Variants in NBAS observed in about 807,000 individuals in gnomAD.
NBAS encodes NBAS subunit of NRZ tethering complex, also known as NAG/BC035112 fusion.
In NBAS, 219 loss-of-function variants were observed where a neutral mutation model predicts 302.5. The ratio of observed to expected loss-of-function variants is 0.72; its 90% CI spans 0.65 to 0.81. The LOEUF (loss-of-function observed/expected upper bound fraction) is 0.81, where lower values mean the gene tolerates loss of function less well. Among genes scored for constraint, NBAS ranks in the 30% least tolerant of loss-of-function variants. NBAS has a pLI of 0.00. For synonymous variants in NBAS, 1,118 were observed against 1,021.6 expected (o/e 1.09, Z -1.80); for missense variants, 2,932 against 2,841.6 (o/e 1.03, Z -0.72).
chr2:14,926,878 A>G, the NBAS span, among the ~76,000 whole-genome samples: 6 of 152,192 alleles, frequency 3.9e-5, no homozygotes, highest in African/African-American at 1.2e-4. Flanking sequence ...GTATGTGTCA[A>G]CTTGGCTGGG....
chr2:15,084,310 G>T, the NBAS span, among the ~76,000 whole-genome samples: 1 of 152,196 alleles, frequency 6.6e-6, no homozygotes, highest in East Asian at 1.9e-4. Flanking sequence ...TGATCAACCT[G>T]ACTCAGCCTC....
At chr2:14,918,198 C>A in the NBAS span, among the ~76,000 whole-genome samples, 4 of 151,146 alleles carry the variant, frequency 2.6e-5, no homozygotes, top group Non-Finnish European at 5.9e-5. Flanking sequence ...ATTTCTTGTG[C>A]TTTATTTATT....
chr2:15,353,515 GT>G (rs1558263444), intron 34 of NBAS, 37 bp downstream of exon 34: 2 of 1,611,960 alleles, frequency 1.2e-6, no homozygotes, highest in South Asian at 2.2e-5. Context: ...CAACATGGAC[GT>G]CATACAGGTT....
chr2:14,910,781 C>T, the NBAS span, among the ~76,000 whole-genome samples: 3 of 152,182 alleles, frequency 2.0e-5, no homozygotes, highest in East Asian at 1.9e-4. Context: ...TATGGCTCTA[C>T]AGCCAATTTA....
the NBAS span, among the ~76,000 whole-genome samples, chr2:15,138,717 T>C: frequency 1.3e-5 from 2 of 152,072 alleles, no homozygotes; most frequent in African/African-American, 4.8e-5. Context: ...ATAACCAATA[T>C]TCAAGAGATG....
chr2:14,998,914 A>C, the NBAS span, among the ~76,000 whole-genome samples: 2 of 152,202 alleles, frequency 1.3e-5, no homozygotes, highest in East Asian at 3.9e-4. Flanking sequence ...ATCTTCCAAG[A>C]GACTCCCAGC....
the NBAS span, among the ~76,000 whole-genome samples, chr2:15,025,895 C>A: frequency 2.6e-5 from 4 of 152,258 alleles, no homozygotes; most frequent in South Asian, 8.3e-4. Context: ...GATACAGAAT[C>A]ATGTCATCTG....
chr2:15,107,133 G>C, the NBAS span, among the ~76,000 whole-genome samples: 1 of 152,026 alleles, frequency 6.6e-6, no homozygotes, highest in East Asian at 1.9e-4. Context: ...TTTGAAGATA[G>C]GGTTCTTAGG....
chr2:15,404,060 G>T (rs1676289624), intron 25 of NBAS, among the ~76,000 whole-genome samples: 1 of 151,888 alleles, frequency 6.6e-6, no homozygotes, highest in South Asian at 2.1e-4. Flanking sequence ...CTTATTGTGT[G>T]CCAGGTACCA....
chr2:14,990,297 G>A, the NBAS span, among the ~76,000 whole-genome samples: 7 of 148,930 alleles, frequency 4.7e-5, no homozygotes, highest in African/African-American at 1.2e-4. Context: ...GGTGGTGCAC[G>A]CCTGTAGTCC....
the NBAS span, among the ~76,000 whole-genome samples, chr2:14,909,047 C>G: frequency 1.3e-5 from 2 of 152,070 alleles, no homozygotes; most frequent in African/African-American, 4.8e-5. Flanking sequence ...AAAAGAGAAC[C>G]ACTGGCCGGG....
intron 44 of NBAS, among the ~76,000 whole-genome samples, chr2:15,250,950 A>G (rs1668336332): frequency 6.6e-6 from 1 of 152,204 alleles, no homozygotes; most frequent in East Asian, 1.9e-4. Flanking sequence ...CAGCAATCCT[A>G]TTATTGAATA....
intron 48 of NBAS, among the ~76,000 whole-genome samples, chr2:15,193,711 T>C (rs1437979076): frequency 6.6e-6 from 1 of 152,072 alleles, no homozygotes. Context: ...ATGATATACT[T>C]TGATATATAA....
At chr2:15,436,480 T>A (rs1038592955) in intron 21 of NBAS, among the ~76,000 whole-genome samples, 2 of 152,136 alleles carry the variant, frequency 1.3e-5, no homozygotes, top group African/African-American at 4.8e-5. Flanking sequence ...AAATTATACT[T>A]TGGAAACCAA....
At chr2:15,017,717 C>T in the NBAS span, among the ~76,000 whole-genome samples, 1 of 151,972 alleles carries the variant, frequency 6.6e-6, no homozygotes, top group South Asian at 2.1e-4. Flanking sequence ...GCTAGTACAG[C>T]TACAATGGAA....
chr2:15,144,048 A>ATATATATATATTATCCT, the NBAS span, among the ~76,000 whole-genome samples: 8 of 113,824 alleles, frequency 7.0e-5, 1 homozygote, highest in African/African-American at 2.3e-4. Context: ...TATATATAAA[A>ATATATATATATTATCCT]ATATATATAT....
chr2:15,266,978 CAG>C (rs377642470), intron 44 of NBAS, among the ~76,000 whole-genome samples: 93 of 152,262 alleles, frequency 6.1e-4, no homozygotes, highest in African/African-American at 2.1e-3. Context: ...CAAAATAGTA[CAG>C]AGAGATCCTG....
At chr2:15,173,847 C>T (rs1036733038) in intron 51 of NBAS, among the ~76,000 whole-genome samples, 13 of 152,202 alleles carry the variant, frequency 8.5e-5, no homozygotes, top group African/African-American at 2.2e-4. Context: ...GTTAATTCTT[C>T]GTGTTATTAT....
the NBAS span, among the ~76,000 whole-genome samples, chr2:14,788,109 C>T: frequency 3.9e-5 from 6 of 152,296 alleles, no homozygotes; most frequent in East Asian, 5.8e-4. Context: ...TCCAGTTGAT[C>T]GCATCGGCTC....
Sources: allele counts gnomAD v4.1 joint callset (sites outside exome capture counted in the v4.1 genomes callset), GRCh38; gene constraint gnomAD v4.1.1; transcripts MANE v1.5; gene names NCBI Gene and HGNC (gene_info 2026-07-23, HGNC 2026-07-21).